ACTR3C: variants seen among roughly 807,000 people sequenced by gnomAD.
The protein encoded by ACTR3C is actin related protein 3C.
Under a neutral mutation model 26.3 loss-of-function variants are expected in ACTR3C, and 18 were observed. The ratio of observed to expected loss-of-function variants is 0.68; its 90% CI spans 0.47 to 1.01. The LOEUF is 1.01. ACTR3C is among the 50% of genes least tolerant of loss of function. The probability of loss-of-function intolerance (pLI) is 0.00; values close to 1 mark genes in which losing one functional copy is unlikely to be tolerated. For missense variants in ACTR3C, 184 were observed against 250.7 expected (o/e 0.73, Z 1.80); for synonymous variants, 55 against 94.5 (o/e 0.58, Z 2.42).
chr7:150,250,461 C>T (rs1832771807), intron 6 of ACTR3C, among the ~76,000 whole-genome samples: 1 of 151,898 alleles, frequency 6.6e-6, no homozygotes, highest in Admixed American at 6.5e-5. Context: ...CCTCGGCCTC[C>T]CAAAGTGCTG....
At chr7:150,235,289 G>A in the ACTR3C span, among the ~76,000 whole-genome samples, 1 of 152,112 alleles carries the variant, frequency 6.6e-6, no homozygotes, top group Non-Finnish European at 1.5e-5. Context: ...ATTACACAAC[G>A]TTAGGCTTGA....
the ACTR3C span, among the ~76,000 whole-genome samples, chr7:150,053,891 C>A: frequency 6.6e-6 from 1 of 151,734 alleles, no homozygotes; most frequent in Non-Finnish European, 1.5e-5. Flanking sequence ...GAGGGTTGAG[C>A]GTGAGCACAA....
At chr7:150,169,127 A>T in the ACTR3C span, among the ~76,000 whole-genome samples, 49 of 150,454 alleles carry the variant, frequency 3.3e-4, 4 homozygotes, top group African/African-American at 1.1e-3. Flanking sequence ...CACACCTGTA[A>T]TCCCAGCACT....
the ACTR3C span, among the ~76,000 whole-genome samples, chr7:150,079,611 C>G: frequency 6.6e-6 from 1 of 152,296 alleles, no homozygotes; most frequent in South Asian, 2.1e-4. Flanking sequence ...CAGCTCTCTT[C>G]CTCTCTGCCT....
At chr7:150,309,414 G>A (rs966194474) in intron 1 of ACTR3C, among the ~76,000 whole-genome samples, 3 of 152,158 alleles carry the variant, frequency 2.0e-5, no homozygotes, top group African/African-American at 7.2e-5. Flanking sequence ...TTGGAATCTG[G>A]CCCTCAAACC....
chr7:149,959,195 G>A, the ACTR3C span, among the ~76,000 whole-genome samples: 1 of 150,444 alleles, frequency 6.6e-6, no homozygotes, highest in Non-Finnish European at 1.5e-5. Flanking sequence ...AGGGGCTTGG[G>A]CCCTTTTCAA....
chr7:150,311,297 C>A (rs1313630297), intron 1 of ACTR3C, among the ~76,000 whole-genome samples: 1 of 152,138 alleles, frequency 6.6e-6, no homozygotes, highest in Non-Finnish European at 1.5e-5. Flanking sequence ...AGGAGCCAGG[C>A]CCACAATCTA....
chr7:150,125,642 C>T, the ACTR3C span, among the ~76,000 whole-genome samples: 1 of 152,098 alleles, frequency 6.6e-6, no homozygotes, highest in Non-Finnish European at 1.5e-5. Context: ...TTTGGCTATA[C>T]ACCCGAATTC....
At chr7:150,074,429 C>A in the ACTR3C span, 1 of 152,202 alleles carries the variant, frequency 6.6e-6, no homozygotes, top group East Asian at 1.9e-4. Flanking sequence ...GCTCTATTAA[C>A]TTTCCCAGAA....
the ACTR3C span, among the ~76,000 whole-genome samples, chr7:149,986,210 G>C: frequency 1.3e-5 from 2 of 152,034 alleles, no homozygotes; most frequent in Non-Finnish European, 1.5e-5. Flanking sequence ...ATCAGTTGGG[G>C]CTGGCTGTTC....
the ACTR3C span, among the ~76,000 whole-genome samples, chr7:150,103,248 CTG>C: frequency 6.6e-6 from 1 of 151,976 alleles, no homozygotes; most frequent in South Asian, 2.1e-4. Context: ...GACATAGAAA[CTG>C]TGTGTTATTT....
chr7:150,252,578 TACTATATGAAAC>T (rs1174346965), intron 6 of ACTR3C, among the ~76,000 whole-genome samples: 1 of 152,212 alleles, frequency 6.6e-6, no homozygotes, highest in East Asian at 1.9e-4. Flanking sequence ...AGTAGATTTA[TACTATATGAAAC>T]ATTTTAGAGT....
At position 150,288,511 on chromosome 7, in the gene ACTR3C, G is replaced by C. The variant is rs570655968; in HGVS notation, c.297+939C>G. 2.9e-4 allele frequency among the ~76,000 whole-genome samples: 41 copies of C among 140,404 alleles called. 4 individuals carry two copies. The highest frequency in any genetic ancestry group is 1.0e-3 in the African/African-American group (35 of 34,658). The allele number at this position is 140,404 out of a possible 152,430, so 92.1% of individuals were successfully genotyped here. ...AATGCTCCAGCCTCAGCCTCCCAAAGCCCTAGGATTATAGATGTGAGCCAC... is the reference window on the plus strand; with the variant it reads ...AATGCTCCAGCCTCAGCCTCCCAAACCCCTAGGATTATAGATGTGAGCCAC... On this transcript the variant is annotated intron_variant, in intron 4 of 7. Transcript: ENST00000683684.
the ACTR3C span, among the ~76,000 whole-genome samples, chr7:150,172,353 G>A: frequency 4.6e-5 from 7 of 150,640 alleles, 1 homozygote; most frequent in South Asian, 2.1e-4. Flanking sequence ...TGATGGCGGC[G>A]AGAGAAAATG....
chr7:149,923,584 C>G, the ACTR3C span, among the ~76,000 whole-genome samples: 1 of 152,088 alleles, frequency 6.6e-6, no homozygotes, highest in Non-Finnish European at 1.5e-5. Flanking sequence ...ACCAATATGG[C>G]AGCAACAACT....
At chr7:149,973,763 A>G in the ACTR3C span, among the ~76,000 whole-genome samples, 2 of 151,758 alleles carry the variant, frequency 1.3e-5, no homozygotes, top group Non-Finnish European at 2.9e-5. Flanking sequence ...GTGTCTTGCC[A>G]GTCCAGGTGT....
the ACTR3C span, among the ~76,000 whole-genome samples, chr7:149,976,225 T>C: frequency 6.6e-6 from 1 of 152,286 alleles, no homozygotes; most frequent in Admixed American, 6.5e-5. Context: ...ACTACTTTAA[T>C]CAACTCTTTA....
At chr7:150,002,587 C>T in the ACTR3C span, 20,488 of 152,216 alleles carry the variant, frequency 0.13, 1,703 homozygotes, top group South Asian at 0.19. Flanking sequence ...GGAAACTGTG[C>T]ATGCTAACTG....
the ACTR3C span, among the ~76,000 whole-genome samples, chr7:150,155,928 C>T: frequency 6.6e-6 from 1 of 151,784 alleles, no homozygotes; most frequent in Admixed American, 6.6e-5. Flanking sequence ...TATTCCAGAG[C>T]AACTTGTATT....
Sources: allele counts gnomAD v4.1 joint callset (sites outside exome capture counted in the v4.1 genomes callset), GRCh38; gene constraint gnomAD v4.1.1; transcripts MANE v1.5; gene names NCBI Gene and HGNC (gene_info 2026-07-23, HGNC 2026-07-21).